AMPH: variants seen among roughly 807,000 people sequenced by gnomAD.
AMPH encodes the protein amphiphysin, also known as amphiphysin (Stiff-Mann syndrome with breast cancer 128kD autoantigen).
In AMPH, 49 loss-of-function variants were observed where a neutral mutation model predicts 99.1. The observed-to-expected ratio is 0.49, with a 90% CI of 0.39 to 0.63. The LOEUF (loss-of-function observed/expected upper bound fraction) is 0.63. AMPH is among the 20% of genes least tolerant of loss of function. The pLI is 0.00. For missense variants in AMPH, 759 were observed against 863.4 expected, an observed-to-expected ratio of 0.88 and a Z score of 1.52; for synonymous variants, 314 against 317.3, an observed-to-expected ratio of 0.99 and a Z score of 0.11.
intron 1 of AMPH, among the ~76,000 whole-genome samples, chr7:38,572,015 C>A (rs1792063043): frequency 6.6e-6 from 1 of 152,016 alleles, no homozygotes; most frequent in South Asian, 2.1e-4. Context: ...AAGTGATTCT[C>A]CTGCCTCAGC....
At chr7:38,599,714 AATTTGGTCTGT>A (rs980602466) in intron 1 of AMPH, among the ~76,000 whole-genome samples, 24 of 152,148 alleles carry the variant, frequency 1.6e-4, no homozygotes, top group Non-Finnish European at 3.1e-4. Context: ...TTATACATCA[AATTTGGTCTGT>A]ATTTGGTCTG....
intron 1 of AMPH, among the ~76,000 whole-genome samples, chr7:38,590,178 A>T (rs1272770345): frequency 1.3e-5 from 2 of 152,156 alleles, no homozygotes; most frequent in East Asian, 3.9e-4. Context: ...TAGCTCTATT[A>T]GAAGCTGTGG....
At chr7:38,427,920 T>C in intron 14 of AMPH, 1 of 456,732 alleles carries the variant, frequency 2.2e-6, no homozygotes, top group Non-Finnish European at 4.4e-6. Context: ...ATCTGAGTTG[T>C]TGATGTCCTG....
chr7:38,391,967 C>G lies in AMPH; in HGVS notation c.1659G>C (p.Glu553Asp). 1.9e-6 allele frequency: 3 copies of G among 1,610,788 alleles called. No individual in the cohort carries two copies. Among genetic ancestry groups the G allele is most frequent in the African/African-American group, 1.3e-5 (1 of 75,032 alleles). The change falls in exon 19 of 21, where the codon GAG (glutamate) becomes GAC (aspartate). Residue 553 changes from glutamate (E) to aspartate (D), a missense_variant. Glu to Asp is a conservative substitution (Grantham distance 45). Coordinates refer to ENST00000356264, the MANE Select transcript of AMPH (RefSeq NM_001635.4). ...CTATAGTTATTTCGTTTTCTCCTTC[C>G]TCTTCATGGTTGGAGGCAGGCTCTA... ...VVIEPASNHEEEGENEITIGA... is the reference protein window; with the variant it reads ...VVIEPASNHEDEGENEITIGA...
intron 17 of AMPH, among the ~76,000 whole-genome samples, chr7:38,414,897 C>T (rs945799845): frequency 9.9e-5 from 15 of 152,182 alleles, no homozygotes; most frequent in Non-Finnish European, 4.4e-5. Context: ...CTCCTGACCT[C>T]ATGTGATTTG....
intron 5 of AMPH, among the ~76,000 whole-genome samples, chr7:38,478,343 G>C (rs575703546): frequency 6.6e-6 from 1 of 152,228 alleles, no homozygotes; most frequent in South Asian, 2.1e-4. Flanking sequence ...TAAAATATAA[G>C]TACAAGGCAT....
At chr7:38,620,594 C>A (rs1465462629) in intron 1 of AMPH, among the ~76,000 whole-genome samples, 2 of 147,248 alleles carry the variant, frequency 1.4e-5, no homozygotes, top group Non-Finnish European at 3.0e-5. Flanking sequence ...CACACACGTG[C>A]AATTGATTAA....
intron 1 of AMPH, among the ~76,000 whole-genome samples, chr7:38,625,715 C>T (rs1444337860): frequency 6.6e-6 from 1 of 152,036 alleles, no homozygotes; most frequent in African/African-American, 2.4e-5. Flanking sequence ...TGTAAAGGTG[C>T]TCATCAGGGA....
chr7:38,563,134 GATGAATGA>G (rs10665097), intron 1 of AMPH, among the ~76,000 whole-genome samples: 40 of 150,554 alleles, frequency 2.7e-4, no homozygotes, highest in South Asian at 6.4e-4. Flanking sequence ...AGCACTGAAT[GATGAATGA>G]ATGAATGAAT....
chr7:38,467,916 T>G (rs1019166884), intron 7 of AMPH, among the ~76,000 whole-genome samples: 1 of 152,038 alleles, frequency 6.6e-6, no homozygotes, highest in African/African-American at 2.4e-5. Flanking sequence ...AAATAGAAGG[T>G]GGGTACAGAT....
At chr7:38,425,643 C>A (rs74997447) in intron 15 of AMPH, among the ~76,000 whole-genome samples, 1 of 151,990 alleles carries the variant, frequency 6.6e-6, no homozygotes, top group Non-Finnish European at 1.5e-5. Flanking sequence ...GAAGAGGGGG[C>A]GAATTGGGTG....
chr7:38,587,950 G>GTA (rs1792720701), intron 1 of AMPH, among the ~76,000 whole-genome samples: 1 of 139,522 alleles, frequency 7.2e-6, no homozygotes, highest in South Asian at 2.3e-4. Flanking sequence ...GTGTGTGTGT[G>GTA]CGCGTGTGTG....
intron 1 of AMPH, among the ~76,000 whole-genome samples, chr7:38,546,359 A>C (rs1790997410): frequency 6.6e-6 from 1 of 152,154 alleles, no homozygotes; most frequent in African/African-American, 2.4e-5. Context: ...CTGTGCTTTG[A>C]TTTTCCACTT....
intron 15 of AMPH, among the ~76,000 whole-genome samples, chr7:38,422,778 C>G (rs762563158): frequency 1.4e-4 from 21 of 152,142 alleles, no homozygotes; most frequent in Non-Finnish European, 1.5e-4. Flanking sequence ...ATCACCACGC[C>G]TGGCTAATTT....
At chr7:38,477,048 T>C (rs777127339) in intron 5 of AMPH, 79 bp from the exon 6 acceptor site, 1 of 1,266,652 alleles carries the variant, frequency 7.9e-7, no homozygotes. Flanking sequence ...GCCAAAATGC[T>C]TTCCTTGGCC....
At chr7:38,565,464 T>C (rs1791703888) in intron 1 of AMPH, among the ~76,000 whole-genome samples, 1 of 152,214 alleles carries the variant, frequency 6.6e-6, no homozygotes, top group Admixed American at 6.5e-5. Flanking sequence ...ACTCCCTAGA[T>C]ACCTCTTCAC....
At chr7:38,586,927 T>C (rs1792673079) in intron 1 of AMPH, among the ~76,000 whole-genome samples, 1 of 152,176 alleles carries the variant, frequency 6.6e-6, no homozygotes, top group South Asian at 2.1e-4. Flanking sequence ...AACCAGGTTG[T>C]CCTAACTTCG....
At chr7:38,569,597 G>T (rs991907545) in intron 1 of AMPH, among the ~76,000 whole-genome samples, 1 of 151,766 alleles carries the variant, frequency 6.6e-6, no homozygotes, top group African/African-American at 2.4e-5. Context: ...ATAATAAATT[G>T]ATATAACATA....
At chr7:38,548,681 G>T (rs754380556) in intron 1 of AMPH, among the ~76,000 whole-genome samples, 19 of 152,146 alleles carry the variant, frequency 1.2e-4, no homozygotes, top group Admixed American at 1.0e-3. Context: ...TCCCGAGCAG[G>T]TCTTCTGGTC....
Sources: allele counts gnomAD v4.1 joint callset (sites outside exome capture counted in the v4.1 genomes callset), GRCh38; gene constraint gnomAD v4.1.1; transcripts MANE v1.5; gene names NCBI Gene and HGNC (gene_info 2026-07-23, HGNC 2026-07-21).